C10orf90: variants seen among roughly 807,000 people sequenced by gnomAD.
The protein encoded by C10orf90 is chromosome 10 open reading frame 90.
In C10orf90, 56 loss-of-function variants were observed where a neutral mutation model predicts 62.5. That is an observed-to-expected ratio of 0.90 (90% confidence interval 0.72 to 1.12). The LOEUF (loss-of-function observed/expected upper bound fraction) is 1.12. Among genes scored for constraint, C10orf90 ranks in the 50% most tolerant of loss-of-function variants. C10orf90 has a pLI of 0.00. For synonymous variants in C10orf90, 386 were observed against 340.4 expected, an observed-to-expected ratio of 1.13 and a Z score of -1.47; for missense variants, 970 against 880.4, an observed-to-expected ratio of 1.10 and a Z score of -1.29.
intron 2 of C10orf90, among the ~76,000 whole-genome samples, chr10:126,609,953 C>T (rs1845396719): frequency 6.6e-6 from 1 of 152,180 alleles, no homozygotes; most frequent in African/African-American, 2.4e-5. Context: ...TAAGGCCGCT[C>T]ACATTGGACC....
intron 2 of C10orf90, among the ~76,000 whole-genome samples, chr10:126,564,233 C>T (rs775442361): frequency 6.6e-6 from 1 of 152,048 alleles, no homozygotes; most frequent in South Asian, 2.1e-4. Context: ...CCACGCTGAG[C>T]ATTTTAGTCT....
chr10:126,514,488 C>T (rs1017405826), intron 2 of C10orf90, among the ~76,000 whole-genome samples: 1 of 152,150 alleles, frequency 6.6e-6, no homozygotes, highest in Admixed American at 6.5e-5. Context: ...GAGTATCTGC[C>T]ACAAAGATAG....
Position 126,504,985 on chromosome 10 carries a change from A to G in C10orf90, c.506T>C (p.Leu169Pro), listed in dbSNP as rs371033012. ...KSRENRASLPLPCAIAQSRAH... is the reference protein window; with the variant it reads ...KSRENRASLPPPCAIAQSRAH... The stretch of plus-strand genomic sequence containing the variant: ...ACGAGACTGAGCAATGGCACACGGT[A>G]GGGGCAAGGAGGCCCTGTTTTCTCT... The change falls in exon 4 of 10, where the codon CTA (leucine) becomes CCA (proline). Residue 169 changes from leucine to proline, a missense_variant. Coordinates refer to ENST00000488181, the MANE Select transcript of C10orf90 (RefSeq NM_001350921.2). This position sits in a 1 kb window ranked among gnomAD's most constrained non-coding sequence, Gnocchi z 4.1. The G allele has an allele frequency of 6.2e-7, 1 of 1,614,240 alleles. No individual in the cohort carries two copies. The highest frequency in any genetic ancestry group is 8.5e-7 in the Non-Finnish European group (1 of 1,180,034).
chr10:126,583,902 G>A (rs977823227), intron 2 of C10orf90, among the ~76,000 whole-genome samples: 1 of 152,152 alleles, frequency 6.6e-6, no homozygotes, highest in Non-Finnish European at 1.5e-5. Context: ...GGTTGCTTGA[G>A]CCCAGGAGTC....
At position 126,473,062 on chromosome 10, in the gene C10orf90, T is replaced by C. The variant is rs193209252; in HGVS notation, c.1535-8076A>G. Among the ~76,000 whole-genome samples the C allele has an allele frequency of 4.6e-5, 7 of 152,308 alleles. No homozygotes were observed. In the East Asian group the frequency reaches 1.4e-3, roughly 29 times the overall value. On this transcript the variant is annotated intron_variant, in intron 4 of 9. Transcript: ENST00000488181. The stretch of plus-strand genomic sequence containing the variant: ...TGTGCCAGGAAATGTTATAGGGCAC[T>C]TGGGATGCAACAGTGAAAAAACAAA...
chr10:126,552,912 G>T (rs779820536), intron 2 of C10orf90, among the ~76,000 whole-genome samples: 6 of 152,180 alleles, frequency 3.9e-5, no homozygotes, highest in Non-Finnish European at 7.3e-5. Context: ...CAATACACTT[G>T]GAGGAAGAAA....
chr10:126,601,665 C>G (rs965039639), intron 2 of C10orf90, among the ~76,000 whole-genome samples: 1 of 152,196 alleles, frequency 6.6e-6, no homozygotes, highest in Non-Finnish European at 1.5e-5. Flanking sequence ...TAATTATACC[C>G]TAGAATTCAG....
Position 126,670,543 on chromosome 10 carries a change from C to T in C10orf90, c.-63G>A. The stretch of plus-strand genomic sequence containing the variant: ...GCAAACACAATTTTCTTTGTTTAAC[C>T]CAGGTATTGAGTGCAACAGGAGGGA... On this transcript the variant is annotated 5_prime_UTR_variant, in exon 1 of 10. Transcript: ENST00000488181. 2.3e-6 allele frequency: 1 copy of T among 442,542 alleles called. No individual in the cohort carries two copies. The highest frequency in any genetic ancestry group is 4.6e-6 in the Non-Finnish European group (1 of 219,420). The allele number at this position is 442,542 out of a possible 1,614,324, so 27.4% of individuals were successfully genotyped here.
At chr10:126,602,776 G>A (rs1482759096) in intron 2 of C10orf90, among the ~76,000 whole-genome samples, 1 of 137,202 alleles carries the variant, frequency 7.3e-6, no homozygotes, top group Non-Finnish European at 1.5e-5. Context: ...TTTTTTTTTG[G>A]TCTTTCTGAG....
intron 2 of C10orf90, chr10:126,524,748 A>G (rs1863883467): frequency 2.0e-6 from 2 of 985,438 alleles, no homozygotes; most frequent in African/African-American, 3.5e-5. Context: ...TATGGCCCCT[A>G]GGGTGCCATC....
intron 2 of C10orf90, among the ~76,000 whole-genome samples, chr10:126,515,941 G>A (rs767545034): frequency 5.9e-5 from 9 of 152,284 alleles, no homozygotes; most frequent in South Asian, 2.1e-4. Context: ...ATTACTTTTC[G>A]TGAAGCACAA....
chr10:126,655,941 T>A (rs1427749809), intron 1 of C10orf90, among the ~76,000 whole-genome samples: 1 of 152,136 alleles, frequency 6.6e-6, no homozygotes, highest in African/African-American at 2.4e-5. Context: ...ACCTTCAGAT[T>A]TGGTATATTT....
intron 3 of C10orf90, 107 bp from the exon 4 acceptor site, chr10:126,505,192 T>A: frequency 8.5e-7 from 1 of 1,173,774 alleles, no homozygotes; most frequent in South Asian, 1.6e-5. Context: ...TTCATAACAC[T>A]CAGATGTCTT....
At chr10:126,482,710 G>A (rs1054324727) in intron 4 of C10orf90, among the ~76,000 whole-genome samples, 2 of 152,140 alleles carry the variant, frequency 1.3e-5, no homozygotes, top group Admixed American at 6.5e-5. Flanking sequence ...CCACATGAGG[G>A]CAATTTTCAG....
intron 4 of C10orf90, chr10:126,470,076 T>C (rs1012636521): frequency 4.4e-6 from 2 of 454,454 alleles, no homozygotes; most frequent in African/African-American, 2.0e-5. Context: ...TTCTTCTGCA[T>C]GTTGCATACT....
intron 2 of C10orf90, among the ~76,000 whole-genome samples, chr10:126,549,860 G>A (rs951972603): frequency 1.3e-5 from 2 of 151,546 alleles, no homozygotes; most frequent in Non-Finnish European, 2.9e-5. Context: ...AGTTATACAT[G>A]CAACAACCTG....
chr10:126,634,512 C>A (rs2133834347), intron 2 of C10orf90, among the ~76,000 whole-genome samples: 1 of 152,198 alleles, frequency 6.6e-6, no homozygotes, highest in Non-Finnish European at 1.5e-5. Flanking sequence ...TTCAGTCCAG[C>A]AATATGAGTC....
intron 3 of C10orf90, among the ~76,000 whole-genome samples, chr10:126,512,442 C>T (rs181712523): frequency 1.3e-5 from 2 of 150,952 alleles, no homozygotes; most frequent in East Asian, 3.9e-4. Context: ...TACAGGGATC[C>T]AGCCACATAG....
chr10:126,569,960 C>T (rs1401317201), intron 2 of C10orf90, among the ~76,000 whole-genome samples: 1 of 152,226 alleles, frequency 6.6e-6, no homozygotes, highest in East Asian at 1.9e-4. Flanking sequence ...TAGCTGGTGA[C>T]TTCACAGCAC....
Sources: allele counts gnomAD v4.1 joint callset (sites outside exome capture counted in the v4.1 genomes callset), GRCh38; gene constraint gnomAD v4.1.1; non-coding constraint Gnocchi (gnomAD v3.1); transcripts MANE v1.5; gene names NCBI Gene and HGNC (gene_info 2026-07-23, HGNC 2026-07-21).